The following GAD1 variants were observed in gnomAD, a reference collection of about 807,000 sequenced individuals.
The protein encoded by GAD1 is 67 kDa glutamic acid decarboxylase.
Under a neutral mutation model 75.2 loss-of-function variants are expected in GAD1, and 35 were observed. That is an observed-to-expected ratio of 0.47 (90% CI 0.36 to 0.62). The LOEUF (loss-of-function observed/expected upper bound fraction) is 0.62, where lower values mean the gene tolerates loss of function less well. GAD1 is among the 20% of genes least tolerant of loss of function. The probability of loss-of-function intolerance (pLI) is 0.00; values close to 1 mark genes in which losing one functional copy is unlikely to be tolerated. For synonymous variants in GAD1, 257 were observed against 271.9 expected (o/e 0.95, Z 0.54); for missense variants, 490 against 758.5 (o/e 0.65, Z 4.16).
intron 6 of GAD1, among the ~76,000 whole-genome samples, chr2:170,843,039 T>TGAGCCCAGCCTAC (rs1391358119): frequency 6.6e-6 from 1 of 152,222 alleles, no homozygotes; most frequent in Non-Finnish European, 1.5e-5. Flanking sequence ...GAGGATGATC[T>TGAGCCCAGCCTAC]GAGCCCAGCC....
At chr2:170,859,000 G>A (rs540345853) in intron 16 of GAD1, 107 bp downstream of exon 16, 1 of 1,033,280 alleles carries the variant, frequency 9.7e-7, no homozygotes, top group South Asian at 1.3e-5. Flanking sequence ...AAAAAATAAA[G>A]CCTTGGGGTG....
chr2:170,837,337 T>G (rs543965790), intron 6 of GAD1, among the ~76,000 whole-genome samples: 1 of 152,246 alleles, frequency 6.6e-6, no homozygotes, highest in Non-Finnish European at 1.5e-5. Flanking sequence ...AAAACAAAAT[T>G]CAGCCGATAC....
chr2:170,849,115 A>G, intron 11 of GAD1, 171 bp from the exon 12 acceptor site: 1 of 691,380 alleles, frequency 1.4e-6, no homozygotes, highest in Non-Finnish European at 2.6e-6. Context: ...ATGACAAGCA[A>G]TGAAGAATCA....
At chr2:170,814,379 A>G (rs1423706112), upstream of GAD1, among the ~76,000 whole-genome samples, 1 of 152,190 alleles carries the variant, frequency 6.6e-6, no homozygotes, top group Non-Finnish European at 1.5e-5. Context: ...GTGCTGAAAG[A>G]TCTATGCCCT....
At chr2:170,846,178 C>T in intron 10 of GAD1, 115 bp downstream of exon 10, 1 of 920,142 alleles carries the variant, frequency 1.1e-6, no homozygotes, top group South Asian at 1.4e-5. Flanking sequence ...AAATTCTATT[C>T]TTCAAATTTG....
At position 170,859,937 on chromosome 2, in the gene GAD1, G is replaced by C. The variant is rs912811182; in HGVS notation, c.*55G>C. ...AATGCCTTTTCCCTCTGGCACTCCA[G>C]AACAAACCTCTATATGTTGCTGAAA... is the stretch of plus-strand genomic sequence containing the variant. On this transcript the variant is annotated 3_prime_UTR_variant, in exon 17 of 17. Transcript: ENST00000358196. 1.7e-5 allele frequency: 26 copies of C among 1,517,114 alleles called. No individual in the cohort carries two copies. Among genetic ancestry groups the C allele is most frequent in the Non-Finnish European group, 2.1e-5 (23 of 1,098,204 alleles). The allele number at this position is 1,517,114 out of a possible 1,614,324, so 94.0% of individuals were successfully genotyped here.
chr2:170,841,716 G>A (rs1575439630), intron 6 of GAD1, among the ~76,000 whole-genome samples: 1 of 152,170 alleles, frequency 6.6e-6, no homozygotes, highest in Non-Finnish European at 1.5e-5. Flanking sequence ...TGTCAGGCCT[G>A]GCTGTGGATC....
chr2:170,855,485 G>C (rs1374146449), intron 14 of GAD1, among the ~76,000 whole-genome samples: 1 of 151,684 alleles, frequency 6.6e-6, no homozygotes, highest in Admixed American at 6.6e-5. Flanking sequence ...TGGGATTACA[G>C]GCGTGAGCCA....
chr2:170,854,249 T>C (rs1702804083), intron 14 of GAD1, among the ~76,000 whole-genome samples: 1 of 152,194 alleles, frequency 6.6e-6, no homozygotes, highest in Non-Finnish European at 1.5e-5. Context: ...GAAGTCTTCT[T>C]ATAACGTTCT....
chr2:170,836,278 T>C (rs765719354), intron 5 of GAD1, among the ~76,000 whole-genome samples: 1 of 152,144 alleles, frequency 6.6e-6, no homozygotes, highest in Non-Finnish European at 1.5e-5. Context: ...TTCCGTTGAA[T>C]GCTAAGTTGG....
chr2:170,842,781 T>C (rs2105796053), intron 6 of GAD1: 1 of 1,441,366 alleles, frequency 6.9e-7, no homozygotes, highest in South Asian at 1.5e-5. Flanking sequence ...TTCAGGATCT[T>C]TTTGTCTTCT....
At position 170,852,858 on chromosome 2, in the gene GAD1, G is replaced by T. The variant is rs562583290; in HGVS notation, c.1263+66G>T. 1.0e-5 allele frequency: 14 copies of T among 1,377,986 alleles called. No individual in the cohort carries two copies. The Admixed American group carries it at 1.9e-4, about 18-fold the overall frequency. The allele number at this position is 1,377,986 out of a possible 1,614,324, so 85.4% of individuals were successfully genotyped here. ...CTTTAGAAAGCACAAAAAGACACACGTGGGGTCTCTTTGCAGTACTTGTTG... is the reference window on the plus strand; with the variant it reads ...CTTTAGAAAGCACAAAAAGACACACTTGGGGTCTCTTTGCAGTACTTGTTG... On this transcript the variant is annotated intron_variant, in intron 13 of 16. Coordinates refer to ENST00000358196, the MANE Select transcript of GAD1 (RefSeq NM_000817.3).
chr2:170,835,159 ATATT>A (rs1363117234), intron 5 of GAD1, among the ~76,000 whole-genome samples: 1 of 152,186 alleles, frequency 6.6e-6, no homozygotes, highest in Non-Finnish European at 1.5e-5. Flanking sequence ...CCTTAATGAA[ATATT>A]TAGTCAGTTT....
At chr2:170,832,544 G>A (rs978824508) in intron 5 of GAD1, among the ~76,000 whole-genome samples, 2 of 152,140 alleles carry the variant, frequency 1.3e-5, no homozygotes, top group African/African-American at 2.4e-5. Flanking sequence ...CCAGGGATTA[G>A]GACTTGAACA....
Position 170,824,378 on chromosome 2 carries a change from T to TACACACAC in GAD1, c.145+2264_145+2271dup, listed in dbSNP as rs10529529. ...CTGGGTCCACAGCTCCCTGCCTGCC[T>TACACACAC]ACACACACACACACACACACACACA... On this transcript the variant is annotated intron_variant, in intron 3 of 16. Transcript: ENST00000358196. 6.4e-3 allele frequency among the ~76,000 whole-genome samples: 931 copies of TACACACAC among 146,390 alleles called. 9 individuals carry two copies. The highest frequency in any genetic ancestry group is 0.014 in the African/African-American group (536 of 39,190).
At position 170,859,820 on chromosome 2, in the gene GAD1, G is replaced by T; in HGVS notation, c.1723G>T (p.Ala575Ser). ...FFRMVISNPA[A>S]TQSDIDFLIE... is the part of the protein sequence containing the mutation. ...CCGGATGGTCATCTCCAACCCAGCCGCTACCCAGTCTGACATTGACTTCCT... is the reference window on the plus strand; with the variant it reads ...CCGGATGGTCATCTCCAACCCAGCCTCTACCCAGTCTGACATTGACTTCCT... The change falls in exon 17 of 17, where the codon GCT becomes TCT. Residue 575 changes from alanine to serine, a missense_variant. By Grantham distance (99) the Ala-to-Ser change is moderately conservative. Transcript: ENST00000358196. 1 of 1,614,130 alleles carries T rather than the reference G, an allele frequency of 6.2e-7. No homozygotes were observed. Among genetic ancestry groups the T allele is most frequent in the Non-Finnish European group, 8.5e-7 (1 of 1,180,022 alleles).
intron 2 of GAD1, chr2:170,821,808 G>A (rs529990421): frequency 4.0e-6 from 2 of 496,072 alleles, no homozygotes; most frequent in East Asian, 3.7e-5. Context: ...GAGCTGCCGG[G>A]CGGGGGTCGC....
intron 6 of GAD1, 146 bp downstream of exon 6, chr2:170,837,029 T>C: frequency 1.5e-6 from 1 of 651,654 alleles, no homozygotes; most frequent in Non-Finnish European, 2.7e-6. Context: ...ACAGTTCTGA[T>C]TTAATGGTAA....
rs2105778481 is a variant in GAD1 at position 170,831,068 on chromosome 2, T to C, written c.423T>C (p.Phe141=). The part of the protein sequence containing the change: ...TFDRSTKVLD[F]HHPHQLLEGM... ...ATCGCTCCACCAAGGTGCTGGACTT[T>C]CATCACCCACACCAGTTGCTGGAAG... The change falls in exon 5 of 17, where the codon TTT becomes TTC. Residue 141 remains phenylalanine (F), a synonymous_variant. Coordinates refer to ENST00000358196, the MANE Select transcript of GAD1 (RefSeq NM_000817.3). The C allele has an allele frequency of 6.2e-7, 1 of 1,614,164 alleles. No homozygotes were observed. Among genetic ancestry groups the C allele is most frequent in the Non-Finnish European group, 8.5e-7 (1 of 1,180,010 alleles).
Sources: gnomAD v4.1 joint callset for allele counts (sites outside exome capture counted in the v4.1 genomes callset) on GRCh38, gnomAD v4.1.1 for gene constraint, MANE v1.5 for transcripts, NCBI Gene and HGNC (gene_info 2026-07-23, HGNC 2026-07-21) for gene names.